Variants in PAM observed in about 807,000 individuals in gnomAD.
The protein encoded by PAM is peptidyl-glycine alpha-amidating monooxygenase.
PAM carries 72 observed loss-of-function variants against 122.1 expected under a neutral mutation model. The ratio of observed to expected loss-of-function variants is 0.59; its 90% confidence interval spans 0.49 to 0.72. The LOEUF (loss-of-function observed/expected upper bound fraction) is 0.72. Ranked by LOEUF, PAM falls within the 30% of genes least tolerant of loss-of-function variation. The probability of loss-of-function intolerance (pLI) is 0.00; values close to 1 mark genes in which losing one functional copy is unlikely to be tolerated. For synonymous variants in PAM, 389 were observed against 404.4 expected (o/e 0.96, Z 0.46); for missense variants, 1,106 against 1,183.7 (o/e 0.93, Z 0.96).
rs557180797 is a variant in PAM, at chr5:102,999,585, C to A, written c.1614-3448C>A. Among the ~76,000 whole-genome samples, 36 of 152,350 alleles carry A rather than the reference C, an allele frequency of 2.4e-4. 1 individual carries two copies. The South Asian group carries it at 7.2e-3, about 31-fold the overall frequency. On this transcript the variant is annotated intron_variant, in intron 16 of 25. Transcript: ENST00000438793. ...CTAGCAGAGGTTCTTAGTGAGGGTTCCTCCCCTGCAGAAAACTTCTTCCTG... is the reference window on the plus strand; with the variant it reads ...CTAGCAGAGGTTCTTAGTGAGGGTTACTCCCCTGCAGAAAACTTCTTCCTG...
chr5:102,817,132 A>G (rs1321281011), intron 1 of PAM, among the ~76,000 whole-genome samples: 3 of 151,930 alleles, frequency 2.0e-5, no homozygotes, highest in Non-Finnish European at 2.9e-5. Context: ...TCCCTCATTT[A>G]CTGTGAACAT....
intron 15 of PAM, among the ~76,000 whole-genome samples, chr5:102,988,333 C>G (rs1262010443): frequency 6.6e-6 from 1 of 151,982 alleles, no homozygotes; most frequent in Non-Finnish European, 1.5e-5. Context: ...CTACCCTATC[C>G]CAGCCCTATC....
chr5:102,841,295 C>G (rs988721996), intron 1 of PAM, among the ~76,000 whole-genome samples: 2 of 151,978 alleles, frequency 1.3e-5, no homozygotes, highest in Non-Finnish European at 2.9e-5. Context: ...ATTTATATGA[C>G]AGTTGTCCTC....
At chr5:102,911,701 T>G (rs952151414) in intron 4 of PAM, among the ~76,000 whole-genome samples, 1 of 152,042 alleles carries the variant, frequency 6.6e-6, no homozygotes, top group Non-Finnish European at 1.5e-5. Context: ...TACCAACAGC[T>G]GTCTTCCTTG....
chr5:102,910,485 T>G (rs1162587737), intron 4 of PAM, among the ~76,000 whole-genome samples: 2 of 151,918 alleles, frequency 1.3e-5, no homozygotes, highest in African/African-American at 4.8e-5. Context: ...TTCCCAGGAC[T>G]TACTCACCTA....
At chr5:102,908,606 T>C (rs1275615488) in intron 4 of PAM, among the ~76,000 whole-genome samples, 1 of 151,110 alleles carries the variant, frequency 6.6e-6, no homozygotes, top group Non-Finnish European at 1.5e-5. Flanking sequence ...TTGGGAGATA[T>C]ACCTAATGCT....
At chr5:102,895,656 G>A (rs894267535) in intron 3 of PAM, among the ~76,000 whole-genome samples, 2 of 151,678 alleles carry the variant, frequency 1.3e-5, no homozygotes, top group Non-Finnish European at 3.0e-5. Context: ...TGCAACTTTG[G>A]CAGTAAGATA....
intron 1 of PAM, among the ~76,000 whole-genome samples, chr5:102,856,802 A>T (rs1782755874): frequency 6.6e-6 from 1 of 152,168 alleles, no homozygotes; most frequent in African/African-American, 2.4e-5. Flanking sequence ...ATATGTTCTA[A>T]TAGGTACCCA....
At chr5:102,777,688 A>G (rs189061895) in intron 1 of PAM, among the ~76,000 whole-genome samples, 1 of 152,206 alleles carries the variant, frequency 6.6e-6, no homozygotes, top group East Asian at 1.9e-4. Flanking sequence ...TTATACTTGA[A>G]TATGTGAGGA....
chr5:102,758,318 G>T (rs1260223315), intron 1 of PAM, among the ~76,000 whole-genome samples: 4 of 151,976 alleles, frequency 2.6e-5, no homozygotes, highest in African/African-American at 4.8e-5. Context: ...ATTAAGGCAT[G>T]GCAGGCTGAG....
intron 21 of PAM, among the ~76,000 whole-genome samples, chr5:103,013,157 G>A (rs1354376086): frequency 1.3e-5 from 2 of 152,026 alleles, no homozygotes; most frequent in Non-Finnish European, 2.9e-5. Flanking sequence ...ATTGCTTTGG[G>A]TATATGGATA....
chr5:102,882,113 A>G (rs1354861470), intron 3 of PAM, among the ~76,000 whole-genome samples: 1 of 94,712 alleles, frequency 1.1e-5, no homozygotes, highest in Non-Finnish European at 2.1e-5. Context: ...ATATATATAC[A>G]CCACATTTTC....
At chr5:102,863,904 A>G (rs1411410525) in intron 1 of PAM, among the ~76,000 whole-genome samples, 1 of 151,222 alleles carries the variant, frequency 6.6e-6, no homozygotes, top group African/African-American at 2.4e-5. Flanking sequence ...GGCTACAAAT[A>G]CCAACTTTGC....
intron 1 of PAM, among the ~76,000 whole-genome samples, chr5:102,843,569 A>G (rs1779215930): frequency 6.6e-6 from 1 of 152,230 alleles, no homozygotes; most frequent in African/African-American, 2.4e-5. Context: ...GGATGTAAAG[A>G]CAAGCTACAG....
intron 15 of PAM, among the ~76,000 whole-genome samples, chr5:102,981,774 G>C (rs548974072): frequency 2.0e-5 from 3 of 152,144 alleles, no homozygotes; most frequent in Non-Finnish European, 4.4e-5. Context: ...AATGAGTACC[G>C]AATTTTGACA....
intron 21 of PAM, 65 bp from the exon 22 acceptor site, chr5:103,017,269 T>A (rs1230081412): frequency 9.9e-7 from 1 of 1,014,378 alleles, no homozygotes; most frequent in Non-Finnish European, 1.5e-6. Flanking sequence ...TTTGTTTTTC[T>A]GTCTTTTCAT....
At chr5:102,794,840 T>A (rs1004054117) in intron 1 of PAM, among the ~76,000 whole-genome samples, 7 of 152,036 alleles carry the variant, frequency 4.6e-5, no homozygotes, top group Non-Finnish European at 1.0e-4. Flanking sequence ...TTGGCTTTCC[T>A]CAAACTTAAA....
chr5:102,826,446 T>C (rs1295020220), intron 1 of PAM, among the ~76,000 whole-genome samples: 2 of 152,188 alleles, frequency 1.3e-5, no homozygotes, highest in Non-Finnish European at 2.9e-5. Flanking sequence ...TGTTGGTGGA[T>C]TTGGTATAAA....
intron 4 of PAM, among the ~76,000 whole-genome samples, chr5:102,904,184 T>A (rs972313471): frequency 2.0e-5 from 3 of 151,514 alleles, no homozygotes; most frequent in Non-Finnish European, 4.4e-5. Context: ...ATTCCAGATC[T>A]CAGGATGCCT....
Sources: allele counts gnomAD v4.1 joint callset (sites outside exome capture counted in the v4.1 genomes callset), GRCh38; gene constraint gnomAD v4.1.1; transcripts MANE v1.5; gene names NCBI Gene and HGNC (gene_info 2026-07-23, HGNC 2026-07-21).